SLC44A1: variants seen among roughly 807,000 people sequenced by gnomAD.
The protein encoded by SLC44A1 is choline transporter-like protein 1.
A neutral mutation model predicts 79.3 loss-of-function variants in SLC44A1; 26 were observed. The ratio of observed to expected loss-of-function variants is 0.33; its 90% CI spans 0.24 to 0.46. The LOEUF is 0.46. Among genes scored for constraint, SLC44A1 ranks in the 20% least tolerant of loss-of-function variants. SLC44A1 has a pLI of 1.00. For missense variants in SLC44A1, 688 were observed against 798.1 expected, an observed-to-expected ratio of 0.86 and a Z score of 1.66; for synonymous variants, 263 against 286.2, an observed-to-expected ratio of 0.92 and a Z score of 0.82.
At chr9:105,411,481 T>TGC (rs369097577) in intron 15 of SLC44A1, among the ~76,000 whole-genome samples, 10 of 137,772 alleles carry the variant, frequency 7.3e-5, no homozygotes, top group African/African-American at 1.8e-4. Context: ...TGTGTGTGTG[T>TGC]GCGTGTGCAT....
At chr9:105,262,333 A>G (rs1011322982) in intron 1 of SLC44A1, among the ~76,000 whole-genome samples, 2 of 152,208 alleles carry the variant, frequency 1.3e-5, no homozygotes, top group African/African-American at 4.8e-5. Flanking sequence ...ACAGAGTGAA[A>G]AAAATACTGT....
chr9:105,404,598 A>C (rs954248797), intron 15 of SLC44A1, among the ~76,000 whole-genome samples: 21 of 152,354 alleles, frequency 1.4e-4, no homozygotes, highest in Admixed American at 1.4e-3. Flanking sequence ...AAAATGTTAT[A>C]TGCTCAGCCT....
At chr9:105,276,349 T>C (rs1564409252) in intron 1 of SLC44A1, among the ~76,000 whole-genome samples, 1 of 152,214 alleles carries the variant, frequency 6.6e-6, no homozygotes, top group Non-Finnish European at 1.5e-5. Context: ...GCTTTCATCA[T>C]GTCATGCAGT....
At chr9:105,304,224 A>G (rs1830957225) in intron 2 of SLC44A1, among the ~76,000 whole-genome samples, 1 of 152,144 alleles carries the variant, frequency 6.6e-6, no homozygotes, top group Non-Finnish European at 1.5e-5. Context: ...TTTCTACCTC[A>G]TTAACTATTG....
chr9:105,389,327 A>G lies in SLC44A1; in HGVS notation c.*271A>G. 3 of 1,159,784 alleles carry G rather than the reference A, an allele frequency of 2.6e-6. No homozygotes were observed. The highest frequency in any genetic ancestry group is 3.2e-6 in the Non-Finnish European group (3 of 941,850). The allele number at this position is 1,159,784 out of a possible 1,614,324, so 71.8% of individuals were successfully genotyped here. On this transcript the variant is annotated 3_prime_UTR_variant, in exon 16 of 16. Coordinates refer to ENST00000374720, the MANE Select transcript of SLC44A1 (RefSeq NM_080546.5). ...CCGTCATTTAATGTTTTCAACTGTA[A>G]TTGTCTTAATGGAAATGTTAAAATT... is the stretch of plus-strand genomic sequence containing the variant.
intron 15 of SLC44A1, among the ~76,000 whole-genome samples, chr9:105,412,608 CT>C (rs980975625): frequency 2.9e-4 from 43 of 147,250 alleles, no homozygotes; most frequent in East Asian, 2.2e-3. Flanking sequence ...GACTGCATTA[CT>C]TTTTTTTTTT....
intron 3 of SLC44A1, among the ~76,000 whole-genome samples, chr9:105,324,631 T>C (rs578243866): frequency 6.6e-6 from 1 of 152,300 alleles, no homozygotes; most frequent in Non-Finnish European, 1.5e-5. Context: ...TGACAATATC[T>C]AGTGAATATC....
intron 3 of SLC44A1, among the ~76,000 whole-genome samples, chr9:105,316,008 G>A (rs778167506): frequency 1.4e-4 from 22 of 152,114 alleles, no homozygotes; most frequent in Non-Finnish European, 2.6e-4. Flanking sequence ...AATAACAAGC[G>A]ACCTAAGTGG....
chr9:105,393,794 TA>T lies in SLC44A1; in HGVS notation c.*4739del, dbSNP rs963167651. 4.1e-6 allele frequency: 4 copies of T among 985,160 alleles called. No homozygotes were observed. The African/African-American group carries it at 7.0e-5, about 17-fold the overall frequency. 61.0% of individuals were successfully genotyped at this position (985,160 alleles called of 1,614,324 possible). A position where few individuals can be genotyped will look rare whatever the true frequency, so the allele number is the denominator to read the frequency against. ...ACATGTGAGATTGTTCGAGACCTAT[TA>T]GGCTATTCTTCAGTTTTGATGCTCA... On this transcript the variant is annotated 3_prime_UTR_variant, in exon 16 of 16. Coordinates refer to ENST00000374720, the MANE Select transcript of SLC44A1 (RefSeq NM_080546.5).
intron 1 of SLC44A1, among the ~76,000 whole-genome samples, chr9:105,268,317 G>C (rs1830005937): frequency 6.6e-6 from 1 of 152,084 alleles, no homozygotes; most frequent in Non-Finnish European, 1.5e-5. Flanking sequence ...TCGGGATTCA[G>C]CTTTTTCGAG....
In SLC44A1 at chr9:105,390,041, T is replaced by C; in HGVS notation, c.*985T>C. The C allele has an allele frequency of 7.6e-7, 1 of 1,314,766 alleles. No individual in the cohort carries two copies. Among genetic ancestry groups the C allele is most frequent in the Non-Finnish European group, 9.7e-7 (1 of 1,026,870 alleles). 81.4% of individuals were successfully genotyped at this position (1,314,766 alleles called of 1,614,324 possible). On this transcript the variant is annotated 3_prime_UTR_variant, in exon 16 of 16. Transcript: ENST00000374720. ...ACGGCCATTTTATTCAAATGCTTGC[T>C]ATACAATCTGAAAACACACTGGCAG...
chr9:105,249,805 G>T lies in SLC44A1; in HGVS notation c.36+4901G>T, dbSNP rs1001393276. On this transcript the variant is annotated intron_variant, in intron 1 of 15. Transcript: ENST00000374720. The stretch of plus-strand genomic sequence containing the variant: ...CCGCCTCAGCCTCCCAAAGTGCTGG[G>T]ATTACAGGCATGAGCCTCCATGCCC... Among the ~76,000 whole-genome samples, 6 of 151,438 alleles carry T rather than the reference G, an allele frequency of 4.0e-5. No individual in the cohort carries two copies. The South Asian group carries it at 6.3e-4, about 16-fold the overall frequency.
Position 105,257,152 on chromosome 9 carries a change from A to G in SLC44A1, c.36+12248A>G, listed in dbSNP as rs141834079. On this transcript the variant is annotated intron_variant, in intron 1 of 15. Coordinates refer to ENST00000374720, the MANE Select transcript of SLC44A1 (RefSeq NM_080546.5). Reference sequence around the variant, plus strand: ...GCTCTTGTTGCCCATACTGGAGTACAGTGGCATGATCTCAGCTCACTGCAA... The same window carrying G: ...GCTCTTGTTGCCCATACTGGAGTACGGTGGCATGATCTCAGCTCACTGCAA... Among the ~76,000 whole-genome samples the G allele has an allele frequency of 1.5e-4, 23 of 151,346 alleles. No individual in the cohort carries two copies. The East Asian group carries it at 4.3e-3, about 28-fold the overall frequency.
At chr9:105,323,964 C>G (rs984504145) in intron 3 of SLC44A1, among the ~76,000 whole-genome samples, 1 of 152,090 alleles carries the variant, frequency 6.6e-6, no homozygotes, top group African/African-American at 2.4e-5. Flanking sequence ...ACCTCTAGTC[C>G]TTTGACTCCT....
intron 2 of SLC44A1, among the ~76,000 whole-genome samples, chr9:105,306,957 G>A (rs1278993026): frequency 2.0e-5 from 3 of 152,084 alleles, no homozygotes; most frequent in East Asian, 1.9e-4. Context: ...GTACGGTAAC[G>A]AAATTACTGG....
intron 13 of SLC44A1, among the ~76,000 whole-genome samples, chr9:105,382,845 ATAGATTAAGTTT>A (rs1386978404): frequency 6.6e-6 from 1 of 152,222 alleles, no homozygotes; most frequent in African/African-American, 2.4e-5. Flanking sequence ...CAGATTCTAA[ATAGATTAAGTTT>A]TAGGGTGCAG....
At chr9:105,355,464 C>G (rs557347748) in intron 5 of SLC44A1, among the ~76,000 whole-genome samples, 5 of 152,326 alleles carry the variant, frequency 3.3e-5, no homozygotes, top group African/African-American at 9.6e-5. Context: ...GTGATCCTAA[C>G]AAGTCCAGTA....
chr9:105,309,951 T>C lies in SLC44A1; in HGVS notation c.269+85T>C, dbSNP rs1158464982. On this transcript the variant is annotated intron_variant, in intron 3 of 15. Transcript: ENST00000374720. The stretch of plus-strand genomic sequence containing the variant: ...CCTGCTGTTCTTGCTGTTTTAAAGA[T>C]AATATCTTACCAAATATTATTTTTA... 5.9e-6 allele frequency: 8 copies of C among 1,350,866 alleles called. No individual in the cohort carries two copies. The East Asian group carries it at 2.0e-4, about 33-fold the overall frequency. 83.7% of individuals were successfully genotyped at this position (1,350,866 alleles called of 1,614,324 possible).
At chr9:105,260,400 T>A (rs1472925442) in intron 1 of SLC44A1, among the ~76,000 whole-genome samples, 1 of 152,228 alleles carries the variant, frequency 6.6e-6, no homozygotes, top group African/African-American at 2.4e-5. Context: ...CTTGAAATAC[T>A]GCTTCTCAAT....
Sources: gnomAD v4.1 joint callset for allele counts (sites outside exome capture counted in the v4.1 genomes callset) on GRCh38, gnomAD v4.1.1 for gene constraint, MANE v1.5 for transcripts, NCBI Gene and HGNC (gene_info 2026-07-23, HGNC 2026-07-21) for gene names.